Variants in WWOX observed in about 807,000 individuals in gnomAD.
WWOX encodes WW domain-containing oxidoreductase.
Under a neutral mutation model 46.2 loss-of-function variants are expected in WWOX, and 69 were observed. The observed-to-expected ratio is 1.49, with a 90% CI of 1.23 to 1.82. WWOX has a LOEUF of 1.82. WWOX is among the 40% of genes most tolerant of loss of function. WWOX has a pLI of 0.00. For synonymous variants in WWOX, 359 were observed against 202.6 expected, an observed-to-expected ratio of 1.77 and a Z score of -6.56; for missense variants, 919 against 542.6, an observed-to-expected ratio of 1.69 and a Z score of -6.89.
intron 5 of WWOX, among the ~76,000 whole-genome samples, chr16:78,262,115 A>AAAAAG: frequency 1.3e-5 from 2 of 150,522 alleles, no homozygotes; most frequent in African/African-American, 4.9e-5. Context: ...AAAAAAAAAA[A>AAAAAG]AAAAGAAGGA....
intron 5 of WWOX, among the ~76,000 whole-genome samples, chr16:78,346,351 G>A (rs183482421): frequency 1.7e-5 from 2 of 121,070 alleles, no homozygotes; most frequent in African/African-American, 5.6e-5. Flanking sequence ...CGAAGCCACC[G>A]TGAATATTGA....
At chr16:78,988,389 A>G (rs1477328376) in intron 8 of WWOX, among the ~76,000 whole-genome samples, 2 of 151,618 alleles carry the variant, frequency 1.3e-5, no homozygotes, top group African/African-American at 2.4e-5. Flanking sequence ...TTAATTTCTC[A>G]GAGGTAGTAA....
intron 8 of WWOX, among the ~76,000 whole-genome samples, chr16:78,575,974 A>G (rs1427325569): frequency 6.6e-6 from 1 of 152,116 alleles, no homozygotes; most frequent in African/African-American, 2.4e-5. Context: ...CAAACACAAA[A>G]TTATTTTTTT....
Position 78,816,924 on chromosome 16 carries a change from C to A in WWOX, c.1056+384172C>A, listed in dbSNP as rs770803335. 5.9e-5 allele frequency among the ~76,000 whole-genome samples: 9 copies of A among 152,214 alleles called. No individual in the cohort carries two copies. In the Middle Eastern group the frequency reaches 0.01, roughly 174 times the overall value. ...AAATAGCCAAGATTCCATTGCAAGT[C>A]CCAGAGTAAGTTATTATTAGACAGA... On this transcript the variant is annotated intron_variant, in intron 8 of 8. Coordinates refer to ENST00000566780, the MANE Select transcript of WWOX (RefSeq NM_016373.4).
intron 5 of WWOX, among the ~76,000 whole-genome samples, chr16:78,276,934 G>A (rs985325230): frequency 3.3e-5 from 5 of 152,174 alleles, no homozygotes; most frequent in African/African-American, 9.7e-5. Context: ...ATTCCGTTGT[G>A]TGAAAAGGAC....
rs558845737 is a variant in WWOX, at chr16:79,083,496, C to G, written c.1057-128112C>G. 3.3e-5 allele frequency among the ~76,000 whole-genome samples: 5 copies of G among 152,320 alleles called. No individual in the cohort carries two copies. In the East Asian group the frequency reaches 9.7e-4, roughly 29 times the overall value. On this transcript the variant is annotated intron_variant, in intron 8 of 8. Coordinates refer to ENST00000566780, the MANE Select transcript of WWOX (RefSeq NM_016373.4). ...GAGGTATCGGCTGTTGCAGTAGAAC[C>G]TAGCCTATCTCACCTGACACAAACG... is the stretch of plus-strand genomic sequence containing the variant.
intron 5 of WWOX, among the ~76,000 whole-genome samples, chr16:78,180,718 A>G (rs2035505819): frequency 6.6e-6 from 1 of 151,408 alleles, no homozygotes; most frequent in Admixed American, 6.6e-5. Context: ...TCCATCTGAG[A>G]TATGGGGTAT....
chr16:78,240,588 C>A (rs887366782), intron 5 of WWOX, among the ~76,000 whole-genome samples: 7 of 152,134 alleles, frequency 4.6e-5, no homozygotes, highest in Non-Finnish European at 1.0e-4. Context: ...GCAGCCCTAG[C>A]ACACTGCCAC....
chr16:78,408,089 G>A (rs1213078444), intron 6 of WWOX, among the ~76,000 whole-genome samples: 3 of 152,062 alleles, frequency 2.0e-5, no homozygotes, highest in Non-Finnish European at 4.4e-5. Flanking sequence ...GATAGGAGCC[G>A]GTCCCTGTTG....
chr16:78,772,589 G>C (rs965682908), intron 8 of WWOX, among the ~76,000 whole-genome samples: 3 of 152,178 alleles, frequency 2.0e-5, no homozygotes, highest in Non-Finnish European at 4.4e-5. Context: ...CTTTGGAAGA[G>C]ATTAAACAAA....
intron 8 of WWOX, among the ~76,000 whole-genome samples, chr16:78,855,493 G>A (rs530614661): frequency 1.8e-4 from 28 of 152,150 alleles, no homozygotes; most frequent in Non-Finnish European, 3.7e-4. Context: ...AAACTTTGGC[G>A]AAACTGGCTG....
intron 8 of WWOX, among the ~76,000 whole-genome samples, chr16:78,698,371 A>G (rs1293422601): frequency 6.6e-6 from 1 of 152,214 alleles, no homozygotes; most frequent in East Asian, 1.9e-4. Flanking sequence ...AGCCTTTGTG[A>G]GCACAGAGGT....
intron 8 of WWOX, among the ~76,000 whole-genome samples, chr16:78,451,395 A>G (rs1050636988): frequency 2.6e-5 from 4 of 152,192 alleles, no homozygotes; most frequent in Non-Finnish European, 5.9e-5. Context: ...TCCACTACCA[A>G]CATGGTGGGA....
At chr16:78,570,780 A>T (rs1194099301) in intron 8 of WWOX, among the ~76,000 whole-genome samples, 1 of 152,214 alleles carries the variant, frequency 6.6e-6, no homozygotes, top group Admixed American at 6.5e-5. Context: ...CAGTGGCGAT[A>T]CATTTTCAGA....
intron 5 of WWOX, among the ~76,000 whole-genome samples, chr16:78,361,289 A>G (rs1017079500): frequency 1.3e-5 from 2 of 152,230 alleles, no homozygotes; most frequent in Non-Finnish European, 2.9e-5. Flanking sequence ...CAGGTAGAAC[A>G]TAATGTTGAT....
rs1046365956 is a variant in WWOX, at chr16:78,173,176, G to T, written c.516+8887G>T. 1.3e-5 allele frequency among the ~76,000 whole-genome samples: 2 copies of T among 152,192 alleles called. 1 individual carries two copies. Among genetic ancestry groups the T allele is most frequent in the South Asian group, 4.1e-4 (2 of 4,832 alleles). ...GCAGCTAATTTTTACATATGCAGAC[G>T]CAACCCAGTGGAATAGAGGTAGCCC... On this transcript the variant is annotated intron_variant, in intron 5 of 8. Coordinates refer to ENST00000566780, the MANE Select transcript of WWOX (RefSeq NM_016373.4).
chr16:78,790,373 G>A (rs977956461), intron 8 of WWOX, among the ~76,000 whole-genome samples: 2 of 152,082 alleles, frequency 1.3e-5, no homozygotes, highest in Non-Finnish European at 2.9e-5. Flanking sequence ...GACATCAAGT[G>A]ATTTGCCCGC....
At chr16:78,987,861 C>T (rs1211292310) in intron 8 of WWOX, among the ~76,000 whole-genome samples, 1 of 152,158 alleles carries the variant, frequency 6.6e-6, no homozygotes, top group African/African-American at 2.4e-5. Flanking sequence ...TGAATCAGCC[C>T]TGTGGGCTTT....
intron 8 of WWOX, among the ~76,000 whole-genome samples, chr16:78,679,045 G>A (rs1346319197): frequency 6.6e-6 from 1 of 152,200 alleles, no homozygotes; most frequent in African/African-American, 2.4e-5. Context: ...CAATTGCCAA[G>A]CCTGTTTCTA....
Sources: allele counts gnomAD v4.1 joint callset (sites outside exome capture counted in the v4.1 genomes callset), GRCh38; gene constraint gnomAD v4.1.1; transcripts MANE v1.5; gene names NCBI Gene and HGNC (gene_info 2026-07-23, HGNC 2026-07-21).